Variants in CEP152 observed in about 807,000 individuals in gnomAD.
CEP152 encodes the protein centrosomal protein of 152 kDa.
Under a neutral mutation model 188.9 loss-of-function variants are expected in CEP152, and 132 were observed. That is an observed-to-expected ratio of 0.70 (90% CI 0.61 to 0.81). The LOEUF (loss-of-function observed/expected upper bound fraction) is 0.81, where lower values mean the gene tolerates loss of function less well. Ranked by LOEUF, CEP152 falls within the 30% of genes least tolerant of loss-of-function variation. CEP152 has a pLI of 0.00. For missense variants in CEP152, 1,914 were observed against 1,969.8 expected (o/e 0.97, Z 0.54); for synonymous variants, 649 against 666.6 (o/e 0.97, Z 0.41).
intron 24 of CEP152, among the ~76,000 whole-genome samples, 164 bp from the exon 25 acceptor site, chr15:48,742,264 T>C (rs191654799): frequency 3.3e-5 from 5 of 152,334 alleles, no homozygotes. Context: ...TTTTAGATCA[T>C]CATTTTGGTA....
chr15:48,734,092 C>T (rs1015323910), downstream of CEP152, among the ~76,000 whole-genome samples: 5 of 151,888 alleles, frequency 3.3e-5, no homozygotes, highest in African/African-American at 9.7e-5. Flanking sequence ...ATGATTACTA[C>T]GTCAGTAAAT....
At chr15:48,735,380 C>T (rs536025917), downstream of CEP152, among the ~76,000 whole-genome samples, 1 of 152,264 alleles carries the variant, frequency 6.6e-6, no homozygotes, top group East Asian at 1.9e-4. Context: ...AAATTCAGAG[C>T]TTTATACATC....
Position 48,808,059 on chromosome 15 carries a change from A to C in CEP152, c.-7-2403T>G, listed in dbSNP as rs928664562. On this transcript the variant is annotated intron_variant, in intron 1 of 26. Transcript: ENST00000380950. The stretch of plus-strand genomic sequence containing the variant: ...TCCTTATCAGAACTATAAACTATAA[A>C]AGACTTTAAGAAATGATTTCAGACA... Among the ~76,000 whole-genome samples, 3 of 152,256 alleles carry C rather than the reference A, an allele frequency of 2.0e-5. No homozygotes were observed. The East Asian group carries it at 5.8e-4, about 29-fold the overall frequency.
chr15:48,780,735 TC>T (rs1167069345), intron 12 of CEP152, among the ~76,000 whole-genome samples: 1 of 152,210 alleles, frequency 6.6e-6, no homozygotes, highest in Non-Finnish European at 1.5e-5. Context: ...TGTTTCTTTC[TC>T]CCTGACCAGA....
At chr15:48,762,212 A>G (rs1481886597) in intron 18 of CEP152, among the ~76,000 whole-genome samples, 179 bp downstream of exon 18, 1 of 152,202 alleles carries the variant, frequency 6.6e-6, no homozygotes, top group Non-Finnish European at 1.5e-5. Context: ...GAGGGGTGGC[A>G]GCTTTATGAC....
At chr15:48,751,823 A>C (rs1362499280) in intron 21 of CEP152, among the ~76,000 whole-genome samples, 1 of 152,210 alleles carries the variant, frequency 6.6e-6, no homozygotes, top group Non-Finnish European at 1.5e-5. Context: ...CAGTATAAGA[A>C]TTCTTTTGTC....
rs747436177 is a variant in CEP152 at position 48,787,163 on chromosome 15, G to GTTTT, written c.1173+1634_1173+1637dup. Reference sequence around the variant, plus strand: ...TTTTCAATAATTTGGTATAGCCTTCGTTTTTTTTTTTTTTTTTTTCTGGAA... The same window carrying GTTTT: ...TTTTCAATAATTTGGTATAGCCTTCGTTTTTTTTTTTTTTTTTTTTTTTCTGGAA... On this transcript the variant is annotated intron_variant, in intron 9 of 26. Transcript: ENST00000380950. 8.2e-4 allele frequency among the ~76,000 whole-genome samples: 83 copies of GTTTT among 101,514 alleles called. 8 individuals are homozygous for GTTTT. Among genetic ancestry groups the GTTTT allele is most frequent in the African/African-American group, 2.7e-3 (73 of 26,912 alleles). The allele number at this position is 101,514 out of a possible 152,430, so 66.6% of individuals were successfully genotyped here.
intron 12 of CEP152, among the ~76,000 whole-genome samples, chr15:48,779,401 A>T (rs1896112107): frequency 6.6e-6 from 1 of 152,238 alleles, no homozygotes; most frequent in Non-Finnish European, 1.5e-5. Context: ...GAGAATCAAG[A>T]ACATTTACAA....
chr15:48,757,194 G>C (rs1191315020), intron 19 of CEP152, among the ~76,000 whole-genome samples: 2 of 152,114 alleles, frequency 1.3e-5, no homozygotes, highest in Non-Finnish European at 2.9e-5. Flanking sequence ...ATTTGCAGAG[G>C]AAGCCTAGCA....
At chr15:48,763,772 G>A (rs1595631125) in intron 17 of CEP152, among the ~76,000 whole-genome samples, 1 of 152,196 alleles carries the variant, frequency 6.6e-6, no homozygotes, top group Non-Finnish European at 1.5e-5. Flanking sequence ...TCCCTAACTT[G>A]CTAGGGAACT....
intron 2 of CEP152, among the ~76,000 whole-genome samples, chr15:48,730,843 C>T (rs151260132): frequency 2.6e-5 from 4 of 152,224 alleles, no homozygotes; most frequent in African/African-American, 9.6e-5. Flanking sequence ...AACAACACAA[C>T]AATAATAATA....
downstream of CEP152, among the ~76,000 whole-genome samples, chr15:48,734,460 A>C (rs1252955248): frequency 1.3e-5 from 2 of 151,856 alleles, no homozygotes; most frequent in African/African-American, 2.4e-5. Flanking sequence ...ATGCAGAAGA[A>C]GGCAATAAAA....
intron 10 of CEP152, 184 bp downstream of exon 10, chr15:48,783,789 A>ATG (rs1555424871): frequency 5.1e-6 from 1 of 196,678 alleles, no homozygotes; most frequent in African/African-American, 2.4e-5. Context: ...ATATATATAT[A>ATG]TGTATATATA....
chr15:48,757,582 A>C (rs1013776952), intron 19 of CEP152, among the ~76,000 whole-genome samples: 1 of 152,192 alleles, frequency 6.6e-6, no homozygotes, highest in East Asian at 1.9e-4. Context: ...TTCCTAACTG[A>C]ATTCAAAGAA....
chr15:48,755,059 G>T (rs1434274268), intron 20 of CEP152, among the ~76,000 whole-genome samples: 3 of 151,380 alleles, frequency 2.0e-5, no homozygotes, highest in Non-Finnish European at 4.4e-5. Context: ...GTTGAAATTG[G>T]CTAATCACCA....
chr15:48,762,451 C>T lies in CEP152; in HGVS notation c.2502G>A (p.Gly834=), dbSNP rs778542036. 2.5e-6 allele frequency: 4 copies of T among 1,613,984 alleles called. No homozygotes were observed. Among genetic ancestry groups the T allele is most frequent in the Middle Eastern group, 1.7e-4 (1 of 6,060 alleles). Residue 834 remains glycine (G), a synonymous_variant, in exon 18 of 27, where the codon GGG becomes GGA. Coordinates refer to ENST00000380950, the MANE Select transcript of CEP152 (RefSeq NM_001194998.2). Reference sequence around the variant, plus strand: ...ATTCAATTTCGAGTTTCTTCATAGCCCCCTTGATGGCTATGTCCTTCTCTT... The same window carrying T: ...ATTCAATTTCGAGTTTCTTCATAGCTCCCTTGATGGCTATGTCCTTCTCTT... ...LEQEKDIAIK[G]AMKKLEIELE...
intron 14 of CEP152, 66 bp from the exon 15 acceptor site, chr15:48,768,394 T>C: frequency 1.2e-6 from 1 of 869,492 alleles, no homozygotes; most frequent in Admixed American, 2.1e-5. Context: ...ATTGATTTTG[T>C]CTTATTTTTT....
intron 1 of CEP152, among the ~76,000 whole-genome samples, chr15:48,807,556 C>G (rs865783420): frequency 8.3e-6 from 1 of 120,540 alleles, no homozygotes; most frequent in African/African-American, 2.9e-5. Flanking sequence ...AGCGAGACTC[C>G]GTCTCAAAAA....
At chr15:48,781,133 C>G (rs771896082) in intron 12 of CEP152, 63 bp downstream of exon 12, 25 of 1,381,748 alleles carry the variant, frequency 1.8e-5, no homozygotes, top group Non-Finnish European at 2.3e-5. Flanking sequence ...AAACAGATAC[C>G]ATGCATCATC....
Sources: allele counts gnomAD v4.1 joint callset (sites outside exome capture counted in the v4.1 genomes callset), GRCh38; gene constraint gnomAD v4.1.1; transcripts MANE v1.5; gene names NCBI Gene and HGNC (gene_info 2026-07-23, HGNC 2026-07-21).